CPA6: variants seen among roughly 807,000 people sequenced by gnomAD.
The protein encoded by CPA6 is carboxypeptidase B.
CPA6 carries 58 observed loss-of-function variants against 63.3 expected under a neutral mutation model. The observed-to-expected ratio is 0.92, with a 90% CI of 0.74 to 1.14. The LOEUF is 1.14. Among genes scored for constraint, CPA6 ranks in the 50% most tolerant of loss-of-function variants. The pLI, the probability that CPA6 is intolerant of heterozygous loss-of-function variation, is 0.00. For missense variants in CPA6, 565 were observed against 526.6 expected (o/e 1.07, Z -0.71); for synonymous variants, 185 against 179.0 (o/e 1.03, Z -0.27).
chr8:67,482,111 G>A (rs1479857187), intron 8 of CPA6, among the ~76,000 whole-genome samples: 2 of 152,246 alleles, frequency 1.3e-5, no homozygotes, highest in Admixed American at 6.5e-5. Context: ...AAGGAAGCAA[G>A]CTGGGTAAAG....
At chr8:67,580,428 C>A (rs1813741520) in intron 2 of CPA6, among the ~76,000 whole-genome samples, 1 of 152,184 alleles carries the variant, frequency 6.6e-6, no homozygotes. Flanking sequence ...TGTTGAGATG[C>A]TTCCAGACTA....
chr8:67,735,677 C>CTTTTTTTTTT (rs199533677), intron 1 of CPA6: 4 of 145,190 alleles, frequency 2.8e-5, no homozygotes, highest in Non-Finnish European at 3.0e-5. Context: ...TAGTGGCAGT[C>CTTTTTTTTTT]TTTTTTTTTT....
At chr8:67,510,050 A>T (rs1812011441) in intron 4 of CPA6, among the ~76,000 whole-genome samples, 1 of 152,210 alleles carries the variant, frequency 6.6e-6, no homozygotes, top group Non-Finnish European at 1.5e-5. Context: ...CATATATTAC[A>T]ATTTGCCACT....
rs1564021257 is a variant in CPA6 at position 67,607,180 on chromosome 8, CTTCTTCTTCTTCTTCT to C, written c.192+16980_192+16995del. Among the ~76,000 whole-genome samples, 6 of 19,112 alleles carry C rather than the reference CTTCTTCTTCTTCTTCT, an allele frequency of 3.1e-4. No individual in the cohort carries two copies. In the East Asian group the frequency reaches 9.6e-3, roughly 31 times the overall value. The allele number at this position is 19,112 out of a possible 152,430, so 12.5% of individuals were successfully genotyped here. ...TCTTCTTCTTCTTCCTCTTCTTCTT[CTTCTTCTTCTTCTTCT>C]TCTTCTTCTTCTTCTTCTTCTTCTT... On this transcript the variant is annotated intron_variant, in intron 2 of 10. Transcript: ENST00000297770.
intron 2 of CPA6, among the ~76,000 whole-genome samples, chr8:67,593,260 T>A (rs1282627503): frequency 6.6e-6 from 1 of 151,074 alleles, no homozygotes; most frequent in Non-Finnish European, 1.5e-5. Flanking sequence ...CAGTTTGTTA[T>A]AATTTCTGTT....
intron 8 of CPA6, among the ~76,000 whole-genome samples, chr8:67,449,846 C>T (rs896005177): frequency 1.5e-5 from 2 of 133,236 alleles, no homozygotes; most frequent in African/African-American, 5.7e-5. Flanking sequence ...GAGTCTTGCT[C>T]TATCCCCCAG....
chr8:67,467,127 G>A (rs539273124), intron 8 of CPA6, among the ~76,000 whole-genome samples: 1 of 152,112 alleles, frequency 6.6e-6, no homozygotes, highest in Non-Finnish European at 1.5e-5. Context: ...TGACATTATG[G>A]TCAGCATCTT....
chr8:67,654,890 C>T (rs1482065214), intron 1 of CPA6, among the ~76,000 whole-genome samples: 2 of 152,130 alleles, frequency 1.3e-5, no homozygotes, highest in African/African-American at 2.4e-5. Context: ...TGTTTCTGCA[C>T]TTTGGATTTA....
At chr8:67,475,908 TTC>T (rs1811216347) in intron 8 of CPA6, among the ~76,000 whole-genome samples, 1 of 100,598 alleles carries the variant, frequency 9.9e-6, no homozygotes, top group South Asian at 3.1e-4. Flanking sequence ...CTTTCTTTCT[TTC>T]TTTCTTTCTT....
At chr8:67,703,040 T>A (rs796783330) in intron 1 of CPA6, among the ~76,000 whole-genome samples, 19 of 152,338 alleles carry the variant, frequency 1.2e-4, no homozygotes, top group Middle Eastern at 3.4e-3. Flanking sequence ...GAGGCAAGAA[T>A]CAAGTTGCTG....
chr8:67,516,955 C>T (rs998431384), intron 3 of CPA6, among the ~76,000 whole-genome samples: 8 of 152,036 alleles, frequency 5.3e-5, no homozygotes, highest in African/African-American at 1.4e-4. Flanking sequence ...TACCACTACA[C>T]CCAGCTAATT....
intron 2 of CPA6, among the ~76,000 whole-genome samples, chr8:67,550,650 G>T (rs965391827): frequency 6.6e-6 from 1 of 152,092 alleles, no homozygotes; most frequent in Non-Finnish European, 1.5e-5. Flanking sequence ...TTTATATTCC[G>T]ACCAGCTGGG....
chr8:67,744,273 C>T (rs552362628), intron 1 of CPA6, among the ~76,000 whole-genome samples: 1 of 152,304 alleles, frequency 6.6e-6, no homozygotes, highest in South Asian at 2.1e-4. Flanking sequence ...TTCCCTCCTA[C>T]TCTTAGACAT....
chr8:67,589,876 T>TTTATTATTA (rs754237347), intron 2 of CPA6, among the ~76,000 whole-genome samples: 1 of 150,752 alleles, frequency 6.6e-6, no homozygotes, highest in Non-Finnish European at 1.5e-5. Flanking sequence ...TAGTGTTGTT[T>TTTATTATTA]TTATTATTAT....
chr8:67,541,297 C>T (rs892576944), intron 2 of CPA6, among the ~76,000 whole-genome samples: 2 of 152,124 alleles, frequency 1.3e-5, no homozygotes, highest in Admixed American at 6.5e-5. Context: ...GACTACCCCT[C>T]ATATTGTCTT....
intron 2 of CPA6, among the ~76,000 whole-genome samples, chr8:67,622,368 T>C (rs1815102020): frequency 6.6e-6 from 1 of 152,124 alleles, no homozygotes; most frequent in Non-Finnish European, 1.5e-5. Context: ...TGTCGTTGGG[T>C]GAAGAGGTTA....
chr8:67,680,330 C>T (rs978087703), intron 1 of CPA6, among the ~76,000 whole-genome samples: 7 of 151,874 alleles, frequency 4.6e-5, no homozygotes, highest in South Asian at 2.1e-4. Context: ...TGGGAGACCC[C>T]ATTTCTACAA....
At chr8:67,479,961 C>A (rs938807686) in intron 8 of CPA6, among the ~76,000 whole-genome samples, 2 of 151,864 alleles carry the variant, frequency 1.3e-5, no homozygotes, top group Non-Finnish European at 2.9e-5. Context: ...CAGAACAGCC[C>A]CCGGCTCCAC....
intron 10 of CPA6, among the ~76,000 whole-genome samples, chr8:67,424,508 C>T (rs1004967555): frequency 3.9e-5 from 6 of 152,078 alleles, no homozygotes; most frequent in African/African-American, 1.2e-4. Flanking sequence ...TGGTTATTGT[C>T]GTCTCTGGTA....
Sources: gnomAD v4.1 joint callset for allele counts (sites outside exome capture counted in the v4.1 genomes callset) on GRCh38, gnomAD v4.1.1 for gene constraint, MANE v1.5 for transcripts, NCBI Gene and HGNC (gene_info 2026-07-23, HGNC 2026-07-21) for gene names.